Variants in CNTNAP2 observed in about 807,000 individuals in gnomAD.
CNTNAP2 encodes the protein contactin-associated protein-like 2.
Under a neutral mutation model 155.2 loss-of-function variants are expected in CNTNAP2, and 98 were observed. That is an observed-to-expected ratio of 0.63 (90% CI 0.54 to 0.75). The LOEUF (loss-of-function observed/expected upper bound fraction) is 0.75. CNTNAP2 is among the 30% of genes least tolerant of loss of function. The pLI, the probability that CNTNAP2 is intolerant of heterozygous loss-of-function variation, is 0.00. For missense variants in CNTNAP2, 1,727 were observed against 1,688.1 expected, an observed-to-expected ratio of 1.02 and a Z score of -0.40; for synonymous variants, 651 against 631.2, an observed-to-expected ratio of 1.03 and a Z score of -0.47.
chr7:146,465,772 T>C (rs749758067), intron 1 of CNTNAP2, among the ~76,000 whole-genome samples: 8 of 152,192 alleles, frequency 5.3e-5, no homozygotes, highest in South Asian at 2.1e-4. Context: ...ATTTTCGTAG[T>C]CCAGAAAATG....
intron 15 of CNTNAP2, among the ~76,000 whole-genome samples, chr7:148,069,616 C>T (rs745436778): frequency 7.9e-5 from 12 of 151,830 alleles, no homozygotes; most frequent in Non-Finnish European, 1.0e-4. Context: ...CAAAATTAGC[C>T]GGGCATGGTG....
intron 22 of CNTNAP2, among the ~76,000 whole-genome samples, chr7:148,408,109 G>A (rs1280978429): frequency 2.6e-5 from 4 of 151,964 alleles, no homozygotes; most frequent in African/African-American, 9.7e-5. Context: ...GCCAGGCATG[G>A]TGGCAGGTGC....
intron 1 of CNTNAP2, among the ~76,000 whole-genome samples, chr7:146,429,913 T>C (rs562057941): frequency 6.6e-6 from 1 of 152,292 alleles, no homozygotes; most frequent in South Asian, 2.1e-4. Flanking sequence ...TCTAGTTTAT[T>C]GAGAGTTTTT....
At chr7:146,740,906 A>G (rs1401600405) in intron 1 of CNTNAP2, among the ~76,000 whole-genome samples, 1 of 152,156 alleles carries the variant, frequency 6.6e-6, no homozygotes, top group African/African-American at 2.4e-5. Context: ...AAGCAAGCTT[A>G]AAGTGTGAGG....
chr7:147,226,736 C>A (rs2116608555), intron 8 of CNTNAP2, among the ~76,000 whole-genome samples: 1 of 152,320 alleles, frequency 6.6e-6, no homozygotes, highest in Middle Eastern at 3.4e-3. Context: ...GAACTATCCT[C>A]TTCACTCTGC....
At chr7:147,900,610 GTTTGT>G (rs796203505) in intron 13 of CNTNAP2, among the ~76,000 whole-genome samples, 1 of 151,900 alleles carries the variant, frequency 6.6e-6, no homozygotes, top group Non-Finnish European at 1.5e-5. Flanking sequence ...TGGGTTTTTT[GTTTGT>G]TTTGTTTTGT....
chr7:146,574,595 G>A (rs1217177009), intron 1 of CNTNAP2, among the ~76,000 whole-genome samples: 1 of 152,082 alleles, frequency 6.6e-6, no homozygotes, highest in South Asian at 2.1e-4. Flanking sequence ...TAGCTACTCG[G>A]GAGGCTGAGG....
At chr7:147,527,363 C>T (rs1271332439) in intron 11 of CNTNAP2, among the ~76,000 whole-genome samples, 2 of 152,064 alleles carry the variant, frequency 1.3e-5, no homozygotes, top group African/African-American at 4.8e-5. Context: ...ATTAGAAAAC[C>T]AAGGTTTAGA....
At chr7:148,042,542 C>T (rs985034241) in intron 15 of CNTNAP2, among the ~76,000 whole-genome samples, 1 of 152,166 alleles carries the variant, frequency 6.6e-6, no homozygotes, top group South Asian at 2.1e-4. Context: ...TCAGCCTCTA[C>T]CTGCACCCAG....
chr7:147,531,605 G>A (rs936876470), intron 11 of CNTNAP2, among the ~76,000 whole-genome samples: 1 of 152,142 alleles, frequency 6.6e-6, no homozygotes, highest in Non-Finnish European at 1.5e-5. Context: ...CACGTAGCAC[G>A]GGGAACCTGG....
chr7:147,722,042 A>G (rs747885398), intron 13 of CNTNAP2, among the ~76,000 whole-genome samples: 3 of 152,190 alleles, frequency 2.0e-5, no homozygotes, highest in Non-Finnish European at 4.4e-5. Context: ...TTTAAGGAGA[A>G]TGAAAACAGA....
chr7:148,380,619 C>G (rs963022803), intron 21 of CNTNAP2, among the ~76,000 whole-genome samples: 25 of 128,298 alleles, frequency 1.9e-4, no homozygotes, highest in African/African-American at 6.5e-4. Flanking sequence ...GAGACTGATG[C>G]AAAATATTTG....
chr7:146,878,071 G>A (rs1284504197), intron 3 of CNTNAP2, among the ~76,000 whole-genome samples: 2 of 151,994 alleles, frequency 1.3e-5, no homozygotes, highest in Non-Finnish European at 1.5e-5. Context: ...CTTTATTTTG[G>A]TGTTTATTCA....
At chr7:147,233,546 T>G (rs1803731678) in intron 8 of CNTNAP2, among the ~76,000 whole-genome samples, 1 of 151,172 alleles carries the variant, frequency 6.6e-6, no homozygotes, top group Non-Finnish European at 1.5e-5. Flanking sequence ...TATTAAAGTA[T>G]TGTGGTGTGA....
Position 147,342,211 on chromosome 7 carries a change from A to G in CNTNAP2, c.1498+41921A>G, listed in dbSNP as rs139931571. On this transcript the variant is annotated intron_variant, in intron 9 of 23. Transcript: ENST00000361727. The stretch of plus-strand genomic sequence containing the variant: ...AAATCCCATCACATTTGGGATTTCA[A>G]CATATGAATTCAGTTCATAGCAGGA... Among the ~76,000 whole-genome samples, 7 of 152,330 alleles carry G rather than the reference A, an allele frequency of 4.6e-5. No homozygotes were observed. The East Asian group carries it at 1.2e-3, about 25-fold the overall frequency.
chr7:147,464,900 G>A (rs1011000307), intron 10 of CNTNAP2, among the ~76,000 whole-genome samples: 1 of 152,260 alleles, frequency 6.6e-6, no homozygotes, highest in African/African-American at 2.4e-5. Flanking sequence ...TGGCCAAGAG[G>A]CTCAATTATA....
At chr7:147,024,458 G>A (rs958925033) in intron 3 of CNTNAP2, among the ~76,000 whole-genome samples, 3 of 152,114 alleles carry the variant, frequency 2.0e-5, no homozygotes, top group Admixed American at 6.5e-5. Flanking sequence ...TGGAGGAAAC[G>A]GGGGAAGGTT....
intron 13 of CNTNAP2, among the ~76,000 whole-genome samples, chr7:147,675,831 A>T (rs989679058): frequency 2.0e-5 from 3 of 152,044 alleles, no homozygotes; most frequent in African/African-American, 7.2e-5. Flanking sequence ...GGCAAAACTG[A>T]GTGAAAAACA....
At chr7:146,166,598 C>T (rs914938289) in intron 1 of CNTNAP2, among the ~76,000 whole-genome samples, 10 of 152,064 alleles carry the variant, frequency 6.6e-5, no homozygotes, top group East Asian at 3.9e-4. Flanking sequence ...GCAATATACA[C>T]GGTTGCATAC....
Sources: gnomAD v4.1 joint callset for allele counts (sites outside exome capture counted in the v4.1 genomes callset) on GRCh38, gnomAD v4.1.1 for gene constraint, MANE v1.5 for transcripts, NCBI Gene and HGNC (gene_info 2026-07-23, HGNC 2026-07-21) for gene names.